PTPN12: variants seen among roughly 807,000 people sequenced by gnomAD.
PTPN12 encodes the protein tyrosine-protein phosphatase non-receptor type 12.
In PTPN12, 29 loss-of-function variants were observed where a neutral mutation model predicts 97.6. The ratio of observed to expected loss-of-function variants is 0.30; its 90% CI spans 0.22 to 0.41. PTPN12 has a LOEUF of 0.41. Ranked by LOEUF, PTPN12 falls within the 10% of genes least tolerant of loss-of-function variation. The pLI is 1.00. For synonymous variants in PTPN12, 327 were observed against 300.4 expected, an observed-to-expected ratio of 1.09 and a Z score of -0.91; for missense variants, 819 against 926.0, an observed-to-expected ratio of 0.88 and a Z score of 1.50.
chr7:77,631,159 T>A (rs1037454120), intron 13 of PTPN12, among the ~76,000 whole-genome samples: 1 of 152,182 alleles, frequency 6.6e-6, no homozygotes, highest in African/African-American at 2.4e-5. Context: ...CATATGGTGA[T>A]GACTCAGACT....
intron 5 of PTPN12, among the ~76,000 whole-genome samples, chr7:77,587,498 T>C (rs1210671486): frequency 1.3e-5 from 2 of 152,168 alleles, no homozygotes; most frequent in East Asian, 1.9e-4. Context: ...TGTAAACAGA[T>C]GTGCTGACAT....
At chr7:77,616,467 C>T (rs1180388364) in intron 11 of PTPN12, among the ~76,000 whole-genome samples, 1 of 152,276 alleles carries the variant, frequency 6.6e-6, no homozygotes, top group East Asian at 1.9e-4. Context: ...GTGCATTTCA[C>T]TAGATGTCCA....
At chr7:77,609,566 G>T (rs1483672615) in intron 9 of PTPN12, among the ~76,000 whole-genome samples, 2 of 150,300 alleles carry the variant, frequency 1.3e-5, no homozygotes, top group Admixed American at 6.6e-5. Flanking sequence ...CACTGCACCC[G>T]GCCTAGTTGT....
At chr7:77,553,764 A>G (rs1807578488) in intron 1 of PTPN12, among the ~76,000 whole-genome samples, 2 of 152,000 alleles carry the variant, frequency 1.3e-5, no homozygotes, top group Admixed American at 6.6e-5. Flanking sequence ...CATTTAGACC[A>G]TTCACGTTCA....
At chr7:77,551,328 T>C (rs555874358) in intron 1 of PTPN12, among the ~76,000 whole-genome samples, 3 of 152,240 alleles carry the variant, frequency 2.0e-5, no homozygotes, top group Non-Finnish European at 4.4e-5. Flanking sequence ...CCCAAAGTGC[T>C]GAGATTACAG....
intron 1 of PTPN12, among the ~76,000 whole-genome samples, chr7:77,544,585 A>G (rs1682287558): frequency 6.6e-6 from 1 of 152,250 alleles, no homozygotes; most frequent in South Asian, 2.1e-4. Context: ...TTTTTAAAGG[A>G]TGAAACTGAA....
intron 3 of PTPN12, 25 bp downstream of exon 3, chr7:77,581,528 T>C: frequency 7.1e-7 from 1 of 1,402,462 alleles, no homozygotes; most frequent in Admixed American, 2.0e-5. Flanking sequence ...TAAATGGTGT[T>C]TCTCTGCCAT....
At chr7:77,603,074 T>C (rs1315823308) in intron 8 of PTPN12, among the ~76,000 whole-genome samples, 1 of 152,214 alleles carries the variant, frequency 6.6e-6, no homozygotes, top group Non-Finnish European at 1.5e-5. Context: ...CTGGTGGAGA[T>C]GTGGGAATCA....
In PTPN12 at chr7:77,581,413, T is replaced by A; in HGVS notation, c.209-14T>A. Reference sequence around the variant, plus strand: ...GTGTCAACCATACATATTTTATGAATTTTTTTCTCGTAGTTGATCACAGCC... The same window carrying A: ...GTGTCAACCATACATATTTTATGAAATTTTTTCTCGTAGTTGATCACAGCC... On this transcript the variant is annotated splice_polypyrimidine_tract_variant and intron_variant, in intron 2 of 17. Coordinates refer to ENST00000248594, the MANE Select transcript of PTPN12 (RefSeq NM_002835.4). 6.3e-7 allele frequency: 1 copy of A among 1,583,568 alleles called. No individual in the cohort carries two copies. The highest frequency in any genetic ancestry group is 8.6e-7 in the Non-Finnish European group (1 of 1,156,468).
At chr7:77,575,836 C>G (rs542525205) in intron 2 of PTPN12, among the ~76,000 whole-genome samples, 1 of 152,104 alleles carries the variant, frequency 6.6e-6, no homozygotes, top group Admixed American at 6.5e-5. Flanking sequence ...AATATATAGT[C>G]TTTTGTGTCT....
At chr7:77,637,230 A>T (rs1437755715) in intron 16 of PTPN12, among the ~76,000 whole-genome samples, 182 bp downstream of exon 16, 1 of 152,232 alleles carries the variant, frequency 6.6e-6, no homozygotes, top group Non-Finnish European at 1.5e-5. Flanking sequence ...ACCACCAGAT[A>T]GTAGTATTGA....
chr7:77,589,928 A>G (rs1408461893), intron 5 of PTPN12, among the ~76,000 whole-genome samples: 1 of 152,166 alleles, frequency 6.6e-6, no homozygotes, highest in Non-Finnish European at 1.5e-5. Flanking sequence ...TAATTTTTTG[A>G]AGCGAAAGGT....
At chr7:77,614,035 G>A (rs1199702676) in intron 11 of PTPN12, among the ~76,000 whole-genome samples, 3 of 151,704 alleles carry the variant, frequency 2.0e-5, no homozygotes, top group Admixed American at 1.3e-4. Flanking sequence ...GAGACTATAG[G>A]CACATATACC....
intron 14 of PTPN12, among the ~76,000 whole-genome samples, chr7:77,634,637 G>T (rs1789523141): frequency 6.6e-6 from 1 of 151,672 alleles, no homozygotes; most frequent in Admixed American, 6.6e-5. Context: ...TAGAGACAGG[G>T]TTTCACCGTG....
At chr7:77,569,972 G>T (rs576338783) in intron 1 of PTPN12, among the ~76,000 whole-genome samples, 5 of 152,042 alleles carry the variant, frequency 3.3e-5, no homozygotes, top group Admixed American at 6.6e-5. Context: ...CACCATGCTC[G>T]GCCCCCACTT....
At chr7:77,539,576 G>A (rs192926533) in intron 1 of PTPN12, among the ~76,000 whole-genome samples, 352 of 152,048 alleles carry the variant, frequency 2.3e-3, no homozygotes, top group Middle Eastern at 0.01. Flanking sequence ...GAATATTTAA[G>A]ATGTTTAAAA....
At chr7:77,571,050 CTT>C (rs1464366698) in intron 1 of PTPN12, 26 bp from the exon 2 acceptor site, 5 of 1,441,108 alleles carry the variant, frequency 3.5e-6, no homozygotes, top group Non-Finnish European at 3.7e-6. Flanking sequence ...TTTCTCTAAA[CTT>C]TAATTTTTAT....
chr7:77,616,846 G>A (rs1305625170), intron 11 of PTPN12, among the ~76,000 whole-genome samples: 2 of 151,932 alleles, frequency 1.3e-5, no homozygotes, highest in South Asian at 2.1e-4. Context: ...GCAGAGACAC[G>A]ATCTCAGCTT....
At chr7:77,594,556 G>A (rs150557883) in intron 6 of PTPN12, among the ~76,000 whole-genome samples, 1 of 152,250 alleles carries the variant, frequency 6.6e-6, no homozygotes. Flanking sequence ...CTGTCAGCCA[G>A]GTTGGAGTGC....
Sources: allele counts gnomAD v4.1 joint callset (sites outside exome capture counted in the v4.1 genomes callset), GRCh38; gene constraint gnomAD v4.1.1; transcripts MANE v1.5; gene names NCBI Gene and HGNC (gene_info 2026-07-23, HGNC 2026-07-21).